TUFT1: variants seen among roughly 807,000 people sequenced by gnomAD.
TUFT1 encodes the protein tuftelin 1, also known as tuftelin.
Under a neutral mutation model 57.8 loss-of-function variants are expected in TUFT1, and 43 were observed. The ratio of observed to expected loss-of-function variants is 0.74; its 90% CI spans 0.58 to 0.96. The LOEUF (loss-of-function observed/expected upper bound fraction) is 0.96, where lower values mean the gene tolerates loss of function less well. Among genes scored for constraint, TUFT1 ranks in the 40% least tolerant of loss-of-function variants. The pLI, the probability that TUFT1 is intolerant of heterozygous loss-of-function variation, is 0.00. For missense variants in TUFT1, 459 were observed against 489.0 expected, an observed-to-expected ratio of 0.94 and a Z score of 0.58; for synonymous variants, 166 against 176.7, an observed-to-expected ratio of 0.94 and a Z score of 0.48.
intron 8 of TUFT1, among the ~76,000 whole-genome samples, chr1:151,574,637 C>G (rs1666388365): frequency 6.6e-6 from 1 of 152,184 alleles, no homozygotes; most frequent in South Asian, 2.1e-4. Flanking sequence ...TTTTGAAGTC[C>G]TGGTTTCTCA....
intron 1 of TUFT1, among the ~76,000 whole-genome samples, chr1:151,561,309 ATCT>A (rs1665880818): frequency 6.6e-6 from 1 of 152,006 alleles, no homozygotes; most frequent in Non-Finnish European, 1.5e-5. Context: ...TTTTAAAAAA[ATCT>A]TCTTTGAAGC....
At chr1:151,565,907 C>G (rs930946928) in intron 5 of TUFT1, 11 of 393,736 alleles carry the variant, frequency 2.8e-5, no homozygotes, top group Non-Finnish European at 4.8e-5. Context: ...ATCTCTCCAC[C>G]CCCTCTTGTT....
At chr1:151,578,907 T>C (rs1666563306) in intron 10 of TUFT1, 81 bp downstream of exon 10, 5 of 1,132,304 alleles carry the variant, frequency 4.4e-6, no homozygotes, top group Non-Finnish European at 6.4e-6. Flanking sequence ...GGAGCTTGAC[T>C]TATATTCATG....
chr1:151,580,886 G>T, intron 11 of TUFT1, 56 bp from the exon 12 acceptor site: 1 of 1,508,588 alleles, frequency 6.6e-7, no homozygotes, highest in Non-Finnish European at 9.2e-7. Context: ...CTAGCTGAAC[G>T]TGGCACCCGG....
Position 151,562,664 on chromosome 1 carries a change from A to G in TUFT1, c.215A>G (p.Asp72Gly). 6.2e-7 allele frequency: 1 copy of G among 1,613,452 alleles called. No individual in the cohort carries two copies. ...SLASELVESHDGHEEIIKVYL... is the reference protein window; with the variant it reads ...SLASELVESHGGHEEIIKVYL... ...GCTTCAGAACTGGTGGAGTCCCATGATGGACATGAGGAGATCATTAAGGTA... is the reference window on the plus strand; with the variant it reads ...GCTTCAGAACTGGTGGAGTCCCATGGTGGACATGAGGAGATCATTAAGGTA... Residue 72 changes from aspartate to glycine, a missense_variant, in exon 3 of 13, where the codon GAT (aspartate) becomes GGT (glycine). Coordinates refer to ENST00000368849, the MANE Select transcript of TUFT1 (RefSeq NM_020127.3).
intron 1 of TUFT1, chr1:151,545,715 T>G (rs2102516687): frequency 2.4e-6 from 1 of 413,532 alleles, no homozygotes; most frequent in Middle Eastern, 4.1e-4. Context: ...TTCTTTCTCG[T>G]TTCCTTGATG....
At chr1:151,557,297 G>T in intron 1 of TUFT1, 2 of 451,670 alleles carry the variant, frequency 4.4e-6, no homozygotes, top group South Asian at 3.7e-5. Context: ...ATATTTAATA[G>T]TATAATATTA....
intron 10 of TUFT1, among the ~76,000 whole-genome samples, chr1:151,579,297 T>C (rs1048325873): frequency 1.3e-5 from 2 of 152,212 alleles, no homozygotes; most frequent in African/African-American, 2.4e-5. Context: ...TAGTGTCTGT[T>C]TTATTTAGTG....
chr1:151,578,911 A>G (rs1452089922), intron 10 of TUFT1, 85 bp downstream of exon 10: 2 of 1,068,078 alleles, frequency 1.9e-6, no homozygotes, highest in Non-Finnish European at 2.7e-6. Flanking sequence ...CTTGACTTAT[A>G]TTCATGCATT....
At chr1:151,565,445 T>G (rs1666037914) in intron 5 of TUFT1, among the ~76,000 whole-genome samples, 1 of 152,242 alleles carries the variant, frequency 6.6e-6, no homozygotes, top group Admixed American at 6.5e-5. Context: ...GCCCAGCAGC[T>G]GGTGCAAGGA....
At chr1:151,560,463 A>G (rs778805629) in intron 1 of TUFT1, among the ~76,000 whole-genome samples, 2 of 152,190 alleles carry the variant, frequency 1.3e-5, no homozygotes, top group Non-Finnish European at 2.9e-5. Flanking sequence ...CCCCTTTTAC[A>G]GATAAAAACA....
At chr1:151,557,613 C>T (rs1033294921) in intron 1 of TUFT1, 9 of 1,074,594 alleles carry the variant, frequency 8.4e-6, no homozygotes, top group African/African-American at 3.1e-5. Context: ...CCCGAGGCTA[C>T]GTGAAGGAAC....
intron 9 of TUFT1, among the ~76,000 whole-genome samples, chr1:151,577,613 T>A (rs1360317442): frequency 6.6e-6 from 1 of 152,106 alleles, no homozygotes; most frequent in Non-Finnish European, 1.5e-5. Context: ...GAAGCAACAG[T>A]GGTTTGGGAA....
chr1:151,574,475 C>A, intron 8 of TUFT1, 77 bp downstream of exon 8: 2 of 1,566,904 alleles, frequency 1.3e-6, no homozygotes, highest in South Asian at 1.2e-5. Flanking sequence ...AAACGGTTGC[C>A]GAGACCCTTC....
At chr1:151,569,553 C>A in intron 6 of TUFT1, 104 bp from the exon 7 acceptor site, 1 of 856,884 alleles carries the variant, frequency 1.2e-6, no homozygotes, top group Non-Finnish European at 1.9e-6. Context: ...TGAGGGTGGT[C>A]TGGACGAGAT....
At chr1:151,548,504 T>C (rs550928064) in intron 1 of TUFT1, among the ~76,000 whole-genome samples, 1 of 152,246 alleles carries the variant, frequency 6.6e-6, no homozygotes, top group South Asian at 2.1e-4. Flanking sequence ...GGTTTCATCC[T>C]GTTGGCCAGG....
In TUFT1 at chr1:151,540,321, A is replaced by T. The variant is rs202190533; in HGVS notation, c.-46A>T. 4.2e-4 allele frequency: 683 copies of T among 1,613,258 alleles called. No individual in the cohort carries two copies. Among genetic ancestry groups the T allele is most frequent in the Middle Eastern group, 1.9e-3 (11 of 5,926 alleles). On this transcript the variant is annotated 5_prime_UTR_variant, in exon 1 of 13. Transcript: ENST00000368849. ...CGCGCGCCCGCCCAGTTGGAGCCAG[A>T]CAGCGGGGTGGACAAGTGGCGTGTG...
intron 1 of TUFT1, chr1:151,561,742 G>A (rs766246314): frequency 1.5e-6 from 2 of 1,315,016 alleles, no homozygotes; most frequent in South Asian, 2.5e-5. Context: ...GATTGAGGAT[G>A]AGCAGTCCAG....
intron 1 of TUFT1, among the ~76,000 whole-genome samples, chr1:151,543,374 G>C (rs1379118087): frequency 6.6e-6 from 1 of 151,002 alleles, no homozygotes. Flanking sequence ...ATATATGTAC[G>C]TGTTTGTTTA....
Sources: gnomAD v4.1 joint callset for allele counts (sites outside exome capture counted in the v4.1 genomes callset) on GRCh38, gnomAD v4.1.1 for gene constraint, MANE v1.5 for transcripts, NCBI Gene and HGNC (gene_info 2026-07-23, HGNC 2026-07-21) for gene names.